The following PXDNL variants were observed in gnomAD, a reference collection of about 807,000 sequenced individuals.
The protein encoded by PXDNL is peroxidasin like.
A neutral mutation model predicts 150.8 loss-of-function variants in PXDNL; 145 were observed. The observed-to-expected ratio is 0.96, with a 90% confidence interval of 0.84 to 1.10. The LOEUF (loss-of-function observed/expected upper bound fraction) is 1.10, where lower values mean the gene tolerates loss of function less well. Ranked by LOEUF, PXDNL falls within the 50% of genes least tolerant of loss-of-function variation. The probability of loss-of-function intolerance (pLI) is 0.00; values close to 1 mark genes in which losing one functional copy is unlikely to be tolerated. For missense variants in PXDNL, 2,087 were observed against 1,873.9 expected, an observed-to-expected ratio of 1.11 and a Z score of -2.10; for synonymous variants, 757 against 725.7, an observed-to-expected ratio of 1.04 and a Z score of -0.69.
At chr8:51,716,477 T>A (rs1816618683) in intron 1 of PXDNL, among the ~76,000 whole-genome samples, 1 of 152,220 alleles carries the variant, frequency 6.6e-6, no homozygotes, top group South Asian at 2.1e-4. Context: ...CACTTCATGC[T>A]ATGTGTTTTT....
intron 1 of PXDNL, among the ~76,000 whole-genome samples, chr8:51,766,421 T>A (rs1222266904): frequency 3.3e-5 from 5 of 152,272 alleles, no homozygotes; most frequent in African/African-American, 1.2e-4. Context: ...CTATGTAGTA[T>A]ACTTTGCAGT....
At chr8:51,406,612 C>T (rs1169207673) in intron 17 of PXDNL, among the ~76,000 whole-genome samples, 1 of 152,216 alleles carries the variant, frequency 6.6e-6, no homozygotes, top group Non-Finnish European at 1.5e-5. Flanking sequence ...CCAGATGCCA[C>T]CTGGTGTTCC....
intron 19 of PXDNL, among the ~76,000 whole-genome samples, chr8:51,352,458 G>A (rs1463863525): frequency 6.6e-6 from 1 of 152,136 alleles, no homozygotes; most frequent in African/African-American, 2.4e-5. Flanking sequence ...TCCAGGGAGG[G>A]ACCTGGTGGG....
chr8:51,696,852 C>CATACACAT (rs1201268131), intron 1 of PXDNL, among the ~76,000 whole-genome samples: 3 of 106,086 alleles, frequency 2.8e-5, no homozygotes, highest in African/African-American at 3.8e-5. Flanking sequence ...TCCTGACACA[C>CATACACAT]ACACAGGTCC....
At chr8:51,384,928 T>TAAA (rs1305743740) in intron 17 of PXDNL, among the ~76,000 whole-genome samples, 1 of 151,966 alleles carries the variant, frequency 6.6e-6, no homozygotes, top group Non-Finnish European at 1.5e-5. Context: ...AGAAGGGATA[T>TAAA]AAATATAAGG....
chr8:51,581,438 G>A (rs1813211145), intron 3 of PXDNL, among the ~76,000 whole-genome samples: 1 of 151,968 alleles, frequency 6.6e-6, no homozygotes, highest in South Asian at 2.1e-4. Flanking sequence ...GCAGTGCAGT[G>A]AGCTGAGATC....
At chr8:51,684,278 C>T (rs1267048359) in intron 1 of PXDNL, among the ~76,000 whole-genome samples, 2 of 152,180 alleles carry the variant, frequency 1.3e-5, no homozygotes, top group African/African-American at 4.8e-5. Flanking sequence ...CTAGGATTTA[C>T]CAGGTCTGAT....
At chr8:51,793,636 C>T (rs2037533323) in intron 1 of PXDNL, among the ~76,000 whole-genome samples, 1 of 152,110 alleles carries the variant, frequency 6.6e-6, no homozygotes, top group South Asian at 2.1e-4. Flanking sequence ...CGCCTGTAAT[C>T]CCAGCACTTT....
intron 5 of PXDNL, among the ~76,000 whole-genome samples, chr8:51,497,344 T>C (rs1469705685): frequency 6.6e-6 from 1 of 152,140 alleles, no homozygotes; most frequent in Non-Finnish European, 1.5e-5. Flanking sequence ...GAAGAAAACC[T>C]AGGCAATACC....
Position 51,453,800 on chromosome 8 carries a change from G to A in PXDNL, c.983-15C>T. 1 of 1,609,194 alleles carries A rather than the reference G, an allele frequency of 6.2e-7. No individual in the cohort carries two copies. The highest frequency in any genetic ancestry group is 1.7e-5 in the Admixed American group (1 of 59,738). Reference sequence around the variant, plus strand: ...GCTTGGTTTGGCTGATGGTAAAGGGGGAACAAAACGAAATCCAGCAAGTAG... The same window carrying A: ...GCTTGGTTTGGCTGATGGTAAAGGGAGAACAAAACGAAATCCAGCAAGTAG... On this transcript the variant is annotated splice_polypyrimidine_tract_variant and intron_variant, in intron 9 of 22. Transcript: ENST00000356297.
chr8:51,513,025 A>T (rs143383746), intron 4 of PXDNL, among the ~76,000 whole-genome samples: 185 of 152,328 alleles, frequency 1.2e-3, no homozygotes, highest in Middle Eastern at 6.8e-3. Context: ...CTGTGGAATG[A>T]TCCACCTCTC....
intron 8 of PXDNL, among the ~76,000 whole-genome samples, chr8:51,467,402 G>C (rs1031130286): frequency 1.3e-5 from 2 of 152,092 alleles, no homozygotes; most frequent in Non-Finnish European, 2.9e-5. Context: ...CCACTTGTAA[G>C]TGGGCACTAA....
rs183225701 is a variant in PXDNL at position 51,678,374 on chromosome 8, G to A, written c.165-23614C>T. ...GTCCACACCTATTTTTGTGTGTCCC[G>A]AAGGTACTCTGTAGAATTTAACATT... On this transcript the variant is annotated intron_variant, in intron 1 of 22. Coordinates refer to ENST00000356297, the MANE Select transcript of PXDNL (RefSeq NM_144651.5). 1.1e-3 allele frequency among the ~76,000 whole-genome samples: 172 copies of A among 152,204 alleles called. 1 individual carries two copies. The highest frequency in any genetic ancestry group is 3.7e-3 in the African/African-American group (155 of 41,528).
At chr8:51,606,605 A>T (rs1328629949) in intron 2 of PXDNL, among the ~76,000 whole-genome samples, 1 of 152,128 alleles carries the variant, frequency 6.6e-6, no homozygotes, top group Non-Finnish European at 1.5e-5. Flanking sequence ...CTGAAATATA[A>T]TCTGAGCCAC....
rs565015045 is a variant in PXDNL at position 51,447,434 on chromosome 8, C to G, written c.1367-272G>C. On this transcript the variant is annotated intron_variant, in intron 11 of 22. Transcript: ENST00000356297. ...TGAATTTTTAATCTTCATGTTTGTG[C>G]CCCTCGGCCTTACTATAATCAGAAA... Among the ~76,000 whole-genome samples, 35 of 152,290 alleles carry G rather than the reference C, an allele frequency of 2.3e-4. No homozygotes were observed. The South Asian group carries it at 5.8e-3, about 25-fold the overall frequency.
intron 1 of PXDNL, among the ~76,000 whole-genome samples, chr8:51,683,067 A>G (rs1445120445): frequency 1.3e-5 from 2 of 149,946 alleles, no homozygotes; most frequent in African/African-American, 4.9e-5. Flanking sequence ...AGGAATCTCC[A>G]TACTGTTTTC....
At chr8:51,676,972 AAACG>A (rs1311641013) in intron 1 of PXDNL, among the ~76,000 whole-genome samples, 4 of 152,230 alleles carry the variant, frequency 2.6e-5, no homozygotes, top group Non-Finnish European at 5.9e-5. Flanking sequence ...ATACGAAGAA[AAACG>A]AACCAGAGAG....
chr8:51,501,377 G>A (rs887953706), intron 4 of PXDNL, among the ~76,000 whole-genome samples: 7 of 151,316 alleles, frequency 4.6e-5, no homozygotes, highest in African/African-American at 1.5e-4. Context: ...GACACACTCT[G>A]ACACACCTAC....
At chr8:51,406,520 C>T (rs1563396416) in intron 17 of PXDNL, among the ~76,000 whole-genome samples, 1 of 152,190 alleles carries the variant, frequency 6.6e-6, no homozygotes, top group Non-Finnish European at 1.5e-5. Context: ...CACACAGCCT[C>T]TTTAAAACCC....
Sources: gnomAD v4.1 joint callset for allele counts (sites outside exome capture counted in the v4.1 genomes callset) on GRCh38, gnomAD v4.1.1 for gene constraint, MANE v1.5 for transcripts, NCBI Gene and HGNC (gene_info 2026-07-23, HGNC 2026-07-21) for gene names.